Variants in SPOCK3 observed in about 807,000 individuals in gnomAD.
SPOCK3 encodes the protein SPARC (osteonectin), cwcv and kazal like domains proteoglycan 3.
SPOCK3 carries 30 observed loss-of-function variants against 56.6 expected under a neutral mutation model. The ratio of observed to expected loss-of-function variants is 0.53; its 90% CI spans 0.40 to 0.72. SPOCK3 has a LOEUF of 0.72. SPOCK3 is among the 30% of genes least tolerant of loss of function. The pLI, the probability that SPOCK3 is intolerant of heterozygous loss-of-function variation, is 0.00. For synonymous variants in SPOCK3, 196 were observed against 183.3 expected (o/e 1.07, Z -0.56); for missense variants, 527 against 530.0 (o/e 0.99, Z 0.06).
chr4:167,148,072 G>T (rs146587414), intron 2 of SPOCK3, among the ~76,000 whole-genome samples: 12 of 152,224 alleles, frequency 7.9e-5, no homozygotes, highest in Non-Finnish European at 1.6e-4. Flanking sequence ...TTGAAATTAG[G>T]AGTTCCACTG....
At chr4:167,077,841 G>C (rs1757335451) in intron 2 of SPOCK3, among the ~76,000 whole-genome samples, 1 of 151,638 alleles carries the variant, frequency 6.6e-6, no homozygotes, top group African/African-American at 2.4e-5. Context: ...ATAAATATAA[G>C]AGAGGAAAGA....
chr4:166,828,882 T>C (rs1275957263), intron 6 of SPOCK3, among the ~76,000 whole-genome samples: 1 of 152,058 alleles, frequency 6.6e-6, no homozygotes, highest in Non-Finnish European at 1.5e-5. Context: ...AAGAGAAATG[T>C]ATCTTGCTTT....
intron 4 of SPOCK3, among the ~76,000 whole-genome samples, chr4:166,931,896 C>T (rs555891604): frequency 1.3e-4 from 20 of 152,260 alleles, no homozygotes; most frequent in African/African-American, 4.3e-4. Context: ...TTGGACCTTC[C>T]CTATTACTCT....
At chr4:167,139,291 T>C (rs1213830980) in intron 2 of SPOCK3, among the ~76,000 whole-genome samples, 1 of 152,104 alleles carries the variant, frequency 6.6e-6, no homozygotes, top group East Asian at 1.9e-4. Flanking sequence ...TGCCCATCAC[T>C]GAATGTTATT....
chr4:166,996,165 G>A (rs1200529514), intron 4 of SPOCK3, among the ~76,000 whole-genome samples: 4 of 151,994 alleles, frequency 2.6e-5, no homozygotes, highest in Non-Finnish European at 5.9e-5. Context: ...GCCTTCTTAG[G>A]AGGTCAAAAG....
At chr4:167,106,026 T>C (rs1305467626) in intron 2 of SPOCK3, among the ~76,000 whole-genome samples, 2 of 151,858 alleles carry the variant, frequency 1.3e-5, no homozygotes, top group Non-Finnish European at 2.9e-5. Context: ...AATACAATAA[T>C]AGCTGGAGAG....
rs1425986621 is a variant in SPOCK3, at chr4:166,936,393, ATAAT to A, written c.351-23654_351-23651del. Among the ~76,000 whole-genome samples, 13 of 152,270 alleles carry A rather than the reference ATAAT, an allele frequency of 8.5e-5. No homozygotes were observed. The East Asian group carries it at 2.1e-3, about 25-fold the overall frequency. ...TGTTTTTCATCATTAAATATTTAAA[ATAAT>A]TAATGAGGAAAACACTTATGTCTAG... On this transcript the variant is annotated intron_variant, in intron 4 of 10. Transcript: ENST00000357545.
intron 2 of SPOCK3, among the ~76,000 whole-genome samples, chr4:167,195,350 G>A (rs1732839484): frequency 6.6e-6 from 1 of 152,224 alleles, no homozygotes; most frequent in African/African-American, 2.4e-5. Flanking sequence ...AAGATCCAAA[G>A]TCAGACTAGC....
chr4:166,936,878 A>G (rs34976848), intron 4 of SPOCK3, among the ~76,000 whole-genome samples: 3,864 of 152,228 alleles, frequency 0.025, 78 homozygotes, highest in Middle Eastern at 0.065. Flanking sequence ...ATTTATCTAT[A>G]TTCCAAATGT....
intron 3 of SPOCK3, among the ~76,000 whole-genome samples, chr4:167,044,551 G>A (rs1753544371): frequency 6.6e-6 from 1 of 151,770 alleles, no homozygotes; most frequent in South Asian, 2.1e-4. Flanking sequence ...GCATTCAATG[G>A]TATAAACTTC....
chr4:167,113,773 CG>C (rs1761107708), intron 2 of SPOCK3, among the ~76,000 whole-genome samples: 1 of 151,986 alleles, frequency 6.6e-6, no homozygotes, highest in Admixed American at 6.6e-5. Context: ...GATCACCCAC[CG>C]CACAAGGGCT....
At chr4:167,045,175 T>C (rs1753602643) in intron 3 of SPOCK3, among the ~76,000 whole-genome samples, 1 of 152,156 alleles carries the variant, frequency 6.6e-6, no homozygotes, top group Non-Finnish European at 1.5e-5. Context: ...GTCTTTGTTC[T>C]CATGTCTACT....
intron 2 of SPOCK3, among the ~76,000 whole-genome samples, chr4:167,220,653 T>G (rs550199407): frequency 2.0e-5 from 3 of 152,182 alleles, no homozygotes; most frequent in Admixed American, 6.5e-5. Context: ...CTGGAAGTTC[T>G]GGAATTAACA....
At chr4:166,982,433 T>A (rs556897941) in intron 4 of SPOCK3, among the ~76,000 whole-genome samples, 4 of 152,144 alleles carry the variant, frequency 2.6e-5, no homozygotes, top group Non-Finnish European at 5.9e-5. Context: ...GGCGCCGTAG[T>A]CCCAGCTACT....
chr4:166,890,449 C>T (rs768030283), intron 5 of SPOCK3, among the ~76,000 whole-genome samples: 3 of 151,892 alleles, frequency 2.0e-5, no homozygotes, highest in East Asian at 3.9e-4. Context: ...ACCAGGCTCT[C>T]GGTAAATGCT....
At chr4:167,093,504 C>T (rs971514861) in intron 2 of SPOCK3, among the ~76,000 whole-genome samples, 1 of 152,094 alleles carries the variant, frequency 6.6e-6, no homozygotes, top group African/African-American at 2.4e-5. Flanking sequence ...CATGTGTTCT[C>T]ATTGTTCAAC....
intron 2 of SPOCK3, among the ~76,000 whole-genome samples, chr4:167,076,666 A>G (rs890132039): frequency 6.6e-6 from 1 of 151,816 alleles, no homozygotes; most frequent in Non-Finnish European, 1.5e-5. Context: ...TATAATGATA[A>G]TCTACAAAAT....
At chr4:167,125,022 T>C (rs115946651) in intron 2 of SPOCK3, among the ~76,000 whole-genome samples, 1,592 of 152,262 alleles carry the variant, frequency 0.01, 17 homozygotes, top group Non-Finnish European at 0.018. Flanking sequence ...GTGAAGTCTT[T>C]TCTTGTCATG....
chr4:167,205,249 T>TAAAA (rs1437915580), intron 2 of SPOCK3, among the ~76,000 whole-genome samples: 1 of 83,042 alleles, frequency 1.2e-5, no homozygotes, highest in Non-Finnish European at 2.2e-5. Flanking sequence ...ATATTATATA[T>TAAAA]TATATATATT....
Sources: gnomAD v4.1 joint callset for allele counts (sites outside exome capture counted in the v4.1 genomes callset) on GRCh38, gnomAD v4.1.1 for gene constraint, MANE v1.5 for transcripts, NCBI Gene and HGNC (gene_info 2026-07-23, HGNC 2026-07-21) for gene names.